ROCK1: variants seen among roughly 807,000 people sequenced by gnomAD.
The protein encoded by ROCK1 is Rho associated coiled-coil containing protein kinase 1.
A neutral mutation model predicts 196.8 loss-of-function variants in ROCK1; 36 were observed. That is an observed-to-expected ratio of 0.18 (90% confidence interval 0.14 to 0.24). The LOEUF is 0.24. ROCK1 is among the 10% of genes least tolerant of loss of function. The pLI is 1.00. For missense variants in ROCK1, 920 were observed against 1,562.0 expected, an observed-to-expected ratio of 0.59 and a Z score of 6.93; for synonymous variants, 443 against 515.9, an observed-to-expected ratio of 0.86 and a Z score of 1.91.
At chr18:21,042,437 T>C in intron 7 of ROCK1, 128 bp downstream of exon 7, 1 of 1,141,664 alleles carries the variant, frequency 8.8e-7, no homozygotes, top group East Asian at 2.6e-5. Flanking sequence ...GAAGCAGGTT[T>C]GGATCATGTT....
In ROCK1 at chr18:20,950,812, G is replaced by A. The variant is rs1480814061; in HGVS notation, c.*572C>T. 2.0e-5 allele frequency: 3 copies of A among 152,476 alleles called. No individual in the cohort carries two copies. The highest frequency in any genetic ancestry group is 2.9e-5 in the Non-Finnish European group (2 of 68,036). The allele number at this position is 152,476 out of a possible 1,614,324, so 9.4% of individuals were successfully genotyped here. A position where few individuals can be genotyped will look rare whatever the true frequency, so the allele number is the denominator to read the frequency against. ...TTAATTTCTCCATCAAGTCCAACAT[G>A]GGCAATCAACAGTAAGGCTTTTAAA... On this transcript the variant is annotated 3_prime_UTR_variant, in exon 33 of 33. Transcript: ENST00000399799.
intron 5 of ROCK1, 60 bp from the exon 6 acceptor site, chr18:21,044,246 A>C: frequency 7.9e-7 from 1 of 1,269,536 alleles, no homozygotes. Context: ...TGTAAAAATT[A>C]TATGAGGCAG....
At chr18:20,955,313 G>T in intron 29 of ROCK1, 68 bp from the exon 30 acceptor site, 1 of 1,271,552 alleles carries the variant, frequency 7.9e-7, no homozygotes, top group Non-Finnish European at 1.1e-6. Flanking sequence ...TCACTAAAGA[G>T]GACATATGGG....
intron 9 of ROCK1, among the ~76,000 whole-genome samples, chr18:21,035,507 A>G (rs1375712210): frequency 1.3e-5 from 2 of 152,176 alleles, no homozygotes; most frequent in East Asian, 3.8e-4. Context: ...AAAACTAACT[A>G]ATTATCATAT....
intron 11 of ROCK1, among the ~76,000 whole-genome samples, chr18:21,021,639 A>G (rs2035913829): frequency 6.6e-6 from 1 of 152,208 alleles, no homozygotes; most frequent in Admixed American, 6.5e-5. Context: ...AAGGAAAATT[A>G]AATTAGTTGA....
At position 20,966,967 on chromosome 18, in the gene ROCK1, G is replaced by A; in HGVS notation, c.3302C>T (p.Thr1101Ile). The change falls in exon 27 of 33, where the codon ACA becomes ATA. Residue 1101 changes from threonine (T) to isoleucine (I), a missense_variant. Physicochemically the swap from Thr to Ile is moderately conservative, Grantham distance 89. Around this residue, in one of 6 missense-constraint regions of ROCK1, gnomAD observed 116 missense variants for 204.2 expected, o/e 0.57. Coordinates refer to ENST00000399799, the MANE Select transcript of ROCK1 (RefSeq NM_005406.3). ...AGCACTAGGAAAACTAGCAACACTTGTAGAATCCGAGAGGTCCAAAAGTTT... is the reference window on the plus strand; with the variant it reads ...AGCACTAGGAAAACTAGCAACACTTATAGAATCCGAGAGGTCCAAAAGTTT... ...RAKLLDLSDS[T>I]SVASFPSADE... is the part of the protein sequence containing the mutation. 6.2e-7 allele frequency: 1 copy of A among 1,613,582 alleles called. No individual in the cohort carries two copies. The highest frequency in any genetic ancestry group is 8.5e-7 in the Non-Finnish European group (1 of 1,179,582).
At chr18:21,040,519 G>A (rs994738740) in intron 8 of ROCK1, among the ~76,000 whole-genome samples, 3 of 152,124 alleles carry the variant, frequency 2.0e-5, no homozygotes, top group Admixed American at 2.0e-4. Flanking sequence ...CCCTAGTACA[G>A]TGCTTATAAA....
At chr18:21,000,645 GGATATTA>G (rs1369821657) in intron 16 of ROCK1, among the ~76,000 whole-genome samples, 1 of 152,084 alleles carries the variant, frequency 6.6e-6, no homozygotes, top group African/African-American at 2.4e-5. Flanking sequence ...TGGGACAACT[GGATATTA>G]GATGCTCAAT....
At chr18:20,986,475 A>G (rs1191904413) in intron 19 of ROCK1, among the ~76,000 whole-genome samples, 1 of 152,222 alleles carries the variant, frequency 6.6e-6, no homozygotes, top group South Asian at 2.1e-4. Flanking sequence ...AATAATTTCT[A>G]AAGTACATAT....
chr18:21,090,026 T>G (rs796714844), intron 1 of ROCK1, among the ~76,000 whole-genome samples: 6 of 152,352 alleles, frequency 3.9e-5, no homozygotes, highest in African/African-American at 1.4e-4. Context: ...TCTGAAATTA[T>G]ATCAATGGTT....
chr18:21,046,842 A>G (rs961288793), intron 4 of ROCK1, among the ~76,000 whole-genome samples: 7 of 152,094 alleles, frequency 4.6e-5, no homozygotes, highest in African/African-American at 9.7e-5. Context: ...AGATTCAGTT[A>G]CTTTGTTTTG....
chr18:21,107,932 T>C (rs2036717465), intron 1 of ROCK1, among the ~76,000 whole-genome samples: 1 of 151,846 alleles, frequency 6.6e-6, no homozygotes, highest in African/African-American at 2.4e-5. Flanking sequence ...TGCACGCGTG[T>C]AATCCCAACT....
chr18:20,981,117 G>A (rs571366467), intron 21 of ROCK1, among the ~76,000 whole-genome samples: 115 of 149,324 alleles, frequency 7.7e-4, no homozygotes, highest in African/African-American at 2.5e-3. Context: ...CAAAAGGGCC[G>A]GGCGCAGTGG....
At chr18:20,959,170 A>AT (rs2035299606) in intron 29 of ROCK1, among the ~76,000 whole-genome samples, 1 of 63,536 alleles carries the variant, frequency 1.6e-5, no homozygotes, top group African/African-American at 6.7e-5. Flanking sequence ...TATATTATAT[A>AT]ATATATATAA....
chr18:21,002,471 G>A (rs2035733305), intron 16 of ROCK1, among the ~76,000 whole-genome samples: 1 of 152,076 alleles, frequency 6.6e-6, no homozygotes, highest in Non-Finnish European at 1.5e-5. Context: ...GAGGATGCCT[G>A]GGAAATAACT....
At chr18:20,959,174 T>C (rs1415833053) in intron 29 of ROCK1, among the ~76,000 whole-genome samples, 1 of 82,330 alleles carries the variant, frequency 1.2e-5, no homozygotes, top group Admixed American at 2.2e-4. Context: ...TTATATAATA[T>C]ATATAATATT....
At chr18:21,008,030 A>G (rs372768004) in intron 14 of ROCK1, 29 bp downstream of exon 14, 1 of 1,542,692 alleles carries the variant, frequency 6.5e-7, no homozygotes, top group Non-Finnish European at 8.8e-7. Context: ...TAGAAATTCT[A>G]TCATTTTTCA....
At chr18:21,026,560 G>A (rs1308187738) in intron 10 of ROCK1, among the ~76,000 whole-genome samples, 1 of 151,968 alleles carries the variant, frequency 6.6e-6, no homozygotes, top group African/African-American at 2.4e-5. Flanking sequence ...GAGTGTTAGG[G>A]AGGAAAAAAA....
intron 2 of ROCK1, among the ~76,000 whole-genome samples, chr18:21,056,815 G>A (rs2143528656): frequency 6.6e-6 from 1 of 152,162 alleles, no homozygotes; most frequent in Middle Eastern, 3.4e-3. Context: ...AGCCACACTG[G>A]CTTCCTTGAT....
Sources: allele counts gnomAD v4.1 joint callset (sites outside exome capture counted in the v4.1 genomes callset), GRCh38; gene constraint gnomAD v4.1.1; regional missense constraint gnomAD v4.1.1; transcripts MANE v1.5; gene names NCBI Gene and HGNC (gene_info 2026-07-23, HGNC 2026-07-21).